Variants in LRIG3 observed in about 807,000 individuals in gnomAD.
LRIG3 encodes the protein leucine rich repeats and immunoglobulin like domains 3.
LRIG3 carries 76 observed loss-of-function variants against 114.5 expected under a neutral mutation model. The ratio of observed to expected loss-of-function variants is 0.66; its 90% CI spans 0.55 to 0.80. LRIG3 has a LOEUF of 0.80. LRIG3 is among the 30% of genes least tolerant of loss of function. The pLI is 0.00. For missense variants in LRIG3, 1,239 were observed against 1,382.8 expected (o/e 0.90, Z 1.65); for synonymous variants, 512 against 519.8 (o/e 0.98, Z 0.20).
At chr12:58,901,707 T>A (rs993562280) in intron 3 of LRIG3, among the ~76,000 whole-genome samples, 1 of 152,128 alleles carries the variant, frequency 6.6e-6, no homozygotes, top group East Asian at 1.9e-4. Context: ...ATTTTAAGAC[T>A]CACAAGAATT....
At position 58,912,412 on chromosome 12, in the gene LRIG3, T is replaced by C. The variant is rs147333003; in HGVS notation, c.383+1570A>G. Among the ~76,000 whole-genome samples the C allele has an allele frequency of 2.6e-3, 388 of 151,920 alleles. 1 individual carries two copies. The highest frequency in any genetic ancestry group is 9.0e-3 in the African/African-American group (371 of 41,446). On this transcript the variant is annotated intron_variant, in intron 3 of 18. Coordinates refer to ENST00000320743, the MANE Select transcript of LRIG3 (RefSeq NM_153377.5). ...TTGGGAGGCTGAGGCAGGAGAATGG[T>C]GTGAACCCAGGAGGCGGAGCTTACA...
At chr12:58,917,503 CT>C (rs1225834320) in intron 1 of LRIG3, among the ~76,000 whole-genome samples, 1 of 152,084 alleles carries the variant, frequency 6.6e-6, no homozygotes, top group Non-Finnish European at 1.5e-5. Flanking sequence ...CATAGTTACT[CT>C]TTAAGAGCCA....
At chr12:58,881,689 G>T (rs369411985) in intron 12 of LRIG3, among the ~76,000 whole-genome samples, 1 of 152,136 alleles carries the variant, frequency 6.6e-6, no homozygotes, top group African/African-American at 2.4e-5. Context: ...CTACCAAAGC[G>T]TACCATTTGG....
At position 58,881,050 on chromosome 12, in the gene LRIG3, T is replaced by C. The variant is rs936037614; in HGVS notation, c.1481-149A>G. ...CCAGATGGACTAGCCGTCCCCATGT[T>C]GAAATGATACACTGGGAGAGTATTT... On this transcript the variant is annotated intron_variant, in intron 12 of 18. Transcript: ENST00000320743. 7 of 679,830 alleles carry C rather than the reference T, an allele frequency of 1.0e-5. No homozygotes were observed. In the Admixed American group the frequency reaches 2.0e-4, roughly 19 times the overall value. 42.1% of individuals were successfully genotyped at this position (679,830 alleles called of 1,614,324 possible). A position where few individuals can be genotyped will look rare whatever the true frequency, so the allele number is the denominator to read the frequency against.
Position 58,882,905 on chromosome 12 carries a change from TTCTTC to T in LRIG3, c.1439_1443del (p.Gly480GlufsTer6). ...CCATCTGGGCTAACAGCAAAAATGCTTCTTCCTTTTAGCAGCTGAGGATGGGCACA... is the reference window on the plus strand; with the variant it reads ...CCATCTGGGCTAACAGCAAAAATGCTCTTTTAGCAGCTGAGGATGGGCACA... On this transcript the variant is annotated frameshift_variant, in exon 12 of 19. Transcript: ENST00000320743. LOFTEE classifies it high-confidence loss of function. 1 of 1,614,152 alleles carries T rather than the reference TTCTTC, an allele frequency of 6.2e-7. No individual in the cohort carries two copies. Among genetic ancestry groups the T allele is most frequent in the Non-Finnish European group, 8.5e-7 (1 of 1,179,984 alleles).
Position 58,878,893 on chromosome 12 carries a change from C to CA in LRIG3, c.2013dup (p.Gly672TrpfsTer56). On this transcript the variant is annotated frameshift_variant, in exon 14 of 19. Coordinates refer to ENST00000320743, the MANE Select transcript of LRIG3 (RefSeq NM_153377.5). LOFTEE classifies it high-confidence loss of function. ...TTCTGAGCTGTGCAGCTGTATACCCCAATGTCCTCTATCTTCACATCCACG... is the reference window on the plus strand; with the variant it reads ...TTCTGAGCTGTGCAGCTGTATACCCCAAATGTCCTCTATCTTCACATCCACG... The CA allele has an allele frequency of 6.2e-7, 1 of 1,614,202 alleles. No homozygotes were observed. The highest frequency in any genetic ancestry group is 8.5e-7 in the Non-Finnish European group (1 of 1,180,036).
At chr12:58,904,944 A>G (rs889236522) in intron 3 of LRIG3, among the ~76,000 whole-genome samples, 1 of 152,148 alleles carries the variant, frequency 6.6e-6, no homozygotes, top group African/African-American at 2.4e-5. Context: ...AGACATTATA[A>G]TAAAGAAGAT....
chr12:58,903,706 G>A (rs1443645753), intron 3 of LRIG3, among the ~76,000 whole-genome samples: 1 of 151,844 alleles, frequency 6.6e-6, no homozygotes, highest in Non-Finnish European at 1.5e-5. Context: ...TAGGTCTAAT[G>A]TTTAAGTCTT....
chr12:58,919,480 C>A, intron 1 of LRIG3: 1 of 1,551,602 alleles, frequency 6.4e-7, no homozygotes, highest in Non-Finnish European at 8.7e-7. Context: ...GTACGTCCAC[C>A]ATAACTTGGA....
chr12:58,877,357 A>G (rs748058150), intron 15 of LRIG3, 43 bp downstream of exon 15: 3 of 1,585,612 alleles, frequency 1.9e-6, no homozygotes, highest in East Asian at 2.2e-5. Flanking sequence ...AACCACAAAT[A>G]CACATGACTC....
intron 5 of LRIG3, 141 bp downstream of exon 5, chr12:58,889,855 T>C (rs1224189539): frequency 9.4e-7 from 1 of 1,065,256 alleles, no homozygotes; most frequent in Non-Finnish European, 1.3e-6. Context: ...AATTTGGAGA[T>C]TCTACAGCTC....
intron 18 of LRIG3, among the ~76,000 whole-genome samples, chr12:58,873,295 C>T (rs1870798269): frequency 6.6e-6 from 1 of 152,004 alleles, no homozygotes; most frequent in South Asian, 2.1e-4. Context: ...CTCAGTTATA[C>T]AAAGCATATT....
Position 58,878,915 on chromosome 12 carries a change from C to T in LRIG3, c.1992G>A (p.Val664=). The T allele has an allele frequency of 1.2e-6, 2 of 1,614,198 alleles. No individual in the cohort carries two copies. The highest frequency in any genetic ancestry group is 1.7e-6 in the Non-Finnish European group (2 of 1,180,040). The change falls in exon 14 of 19, where the codon GTG becomes GTA. Residue 664 remains valine, a synonymous_variant. Coordinates refer to ENST00000320743, the MANE Select transcript of LRIG3 (RefSeq NM_153377.5). ...VMPEDDVFFI[V]DVKIEDIGVY... ...CCCCAATGTCCTCTATCTTCACATCCACGATAAAGAACACGTCATCCTCGG... is the reference window on the plus strand; with the variant it reads ...CCCCAATGTCCTCTATCTTCACATCTACGATAAAGAACACGTCATCCTCGG...
chr12:58,910,646 C>T (rs1872242508), intron 3 of LRIG3, among the ~76,000 whole-genome samples: 1 of 152,040 alleles, frequency 6.6e-6, no homozygotes, highest in Non-Finnish European at 1.5e-5. Flanking sequence ...AACAAGTACC[C>T]TAGGTGCCTC....
chr12:58,878,793 T>G, intron 14 of LRIG3, 31 bp downstream of exon 14: 1 of 1,594,330 alleles, frequency 6.3e-7, no homozygotes, highest in South Asian at 1.1e-5. Flanking sequence ...AAGACTGATT[T>G]ATACTACAGA....
intron 16 of LRIG3, among the ~76,000 whole-genome samples, 156 bp downstream of exon 16, chr12:58,876,289 C>A (rs527537118): frequency 6.6e-6 from 1 of 152,254 alleles, no homozygotes; most frequent in South Asian, 2.1e-4. Context: ...TTTAAGAGAA[C>A]GGTATAGAAC....
intron 10 of LRIG3, among the ~76,000 whole-genome samples, chr12:58,884,227 T>C (rs1871203082): frequency 6.6e-6 from 1 of 152,230 alleles, no homozygotes; most frequent in Non-Finnish European, 1.5e-5. Context: ...TTAAAACCAA[T>C]ACTTCAGGCA....
chr12:58,886,745 A>T, intron 9 of LRIG3, 65 bp downstream of exon 9: 1 of 1,325,690 alleles, frequency 7.5e-7, no homozygotes, highest in Non-Finnish European at 1.1e-6. Flanking sequence ...TGTATAGCTG[A>T]CTTCAGTGAA....
chr12:58,888,800 T>G lies in LRIG3; in HGVS notation c.803+19A>C. ...ATGATCATACTACCTCAGTAGGAAC[T>G]GTGATAACCCACACTTACAAAATTT... On this transcript the variant is annotated intron_variant, in intron 6 of 18. Coordinates refer to ENST00000320743, the MANE Select transcript of LRIG3 (RefSeq NM_153377.5). The G allele has an allele frequency of 1.9e-6, 3 of 1,612,454 alleles. No homozygotes were observed. Among genetic ancestry groups the G allele is most frequent in the Non-Finnish European group, 2.5e-6 (3 of 1,179,228 alleles).
Sources: allele counts gnomAD v4.1 joint callset (sites outside exome capture counted in the v4.1 genomes callset), GRCh38; gene constraint gnomAD v4.1.1; transcripts MANE v1.5; gene names NCBI Gene and HGNC (gene_info 2026-07-23, HGNC 2026-07-21).